Variants in GPR149 observed in about 807,000 individuals in gnomAD.
GPR149 encodes probable G protein-coupled receptor 149.
Under a neutral mutation model 50.2 loss-of-function variants are expected in GPR149, and 50 were observed. The ratio of observed to expected loss-of-function variants is 1.00; its 90% CI spans 0.79 to 1.26. The LOEUF (loss-of-function observed/expected upper bound fraction) is 1.26, where lower values mean the gene tolerates loss of function less well. Among genes scored for constraint, GPR149 ranks in the 50% most tolerant of loss-of-function variants. The pLI is 0.00. For missense variants in GPR149, 983 were observed against 895.4 expected, an observed-to-expected ratio of 1.10 and a Z score of -1.25; for synonymous variants, 405 against 358.2, an observed-to-expected ratio of 1.13 and a Z score of -1.48.
chr3:154,407,713 C>CACACACACAT (rs1242951460), intron 3 of GPR149, among the ~76,000 whole-genome samples: 2 of 151,778 alleles, frequency 1.3e-5, no homozygotes, highest in Non-Finnish European at 2.9e-5. Flanking sequence ...CACACACACA[C>CACACACACAT]ACACACATAT....
At chr3:154,428,175 C>G (rs1238227782) in intron 1 of GPR149, among the ~76,000 whole-genome samples, 12 of 152,200 alleles carry the variant, frequency 7.9e-5, no homozygotes, top group Admixed American at 3.3e-4. Context: ...TCTTCTCCCT[C>G]CACAACTGAT....
intron 3 of GPR149, among the ~76,000 whole-genome samples, chr3:154,419,947 CAT>C (rs1417910153): frequency 2.0e-5 from 3 of 152,016 alleles, no homozygotes; most frequent in Non-Finnish European, 4.4e-5. Flanking sequence ...AAACTCTAAA[CAT>C]ATGCACAATT....
At chr3:154,388,166 T>G (rs903300446) in intron 3 of GPR149, among the ~76,000 whole-genome samples, 1 of 152,208 alleles carries the variant, frequency 6.6e-6, no homozygotes, top group Non-Finnish European at 1.5e-5. Context: ...GTTAATGAGT[T>G]ATTTAGAAAA....
At chr3:154,391,351 C>T (rs116789796) in intron 3 of GPR149, among the ~76,000 whole-genome samples, 2,360 of 151,690 alleles carry the variant, frequency 0.016, 61 homozygotes, top group African/African-American at 0.055. Context: ...CTTTTGTATG[C>T]AACTGAAGTT....
In GPR149 at chr3:154,421,336, C is replaced by T; in HGVS notation, c.1326G>A (p.Gln442=). Reference sequence around the variant, plus strand: ...CATTGAAGATGTTACGGTTGTCTCTCTGAGGGTCTTTTGTAGTTTCACACT... The same window carrying T: ...CATTGAAGATGTTACGGTTGTCTCTTTGAGGGTCTTTTGTAGTTTCACACT... ...NSECETTKDP[Q]RDNRNIFNAI... is the part of the protein sequence containing the mutation. The change falls in exon 3 of 4, where the codon CAG becomes CAA. Residue 442 remains glutamine, a synonymous_variant. Transcript: ENST00000389740. The T allele has an allele frequency of 1.9e-6, 3 of 1,613,318 alleles. No individual in the cohort carries two copies. The highest frequency in any genetic ancestry group is 2.5e-6 in the Non-Finnish European group (3 of 1,179,488).
At chr3:154,401,679 A>G (rs950777522) in intron 3 of GPR149, among the ~76,000 whole-genome samples, 5 of 152,150 alleles carry the variant, frequency 3.3e-5, no homozygotes, top group African/African-American at 1.2e-4. Flanking sequence ...AAAAAAACCT[A>G]CATGTGAGTG....
At chr3:154,423,125 C>T (rs1209844055) in intron 2 of GPR149, among the ~76,000 whole-genome samples, 1 of 151,722 alleles carries the variant, frequency 6.6e-6, no homozygotes, top group African/African-American at 2.4e-5. Flanking sequence ...ACTTCACCTC[C>T]ATGTCACAAG....
At chr3:154,358,238 T>C (rs989450996) in intron 3 of GPR149, among the ~76,000 whole-genome samples, 2 of 152,076 alleles carry the variant, frequency 1.3e-5, no homozygotes, top group Non-Finnish European at 2.9e-5. Flanking sequence ...CATGTATACA[T>C]ATGTAACTAA....
In GPR149 at chr3:154,336,681, T is replaced by A. The variant is rs1437865205; in HGVS notation, c.*1018A>T. 2 of 152,094 alleles carry A rather than the reference T, an allele frequency of 1.3e-5. No homozygotes were observed. Among genetic ancestry groups the A allele is most frequent in the African/African-American group, 4.8e-5 (2 of 41,436 alleles). 9.4% of individuals were successfully genotyped at this position (152,094 alleles called of 1,614,324 possible). A position where few individuals can be genotyped will look rare whatever the true frequency, so the allele number is the denominator to read the frequency against. ...CTGTTTCTTTGAGACAACACGTCTT[T>A]AGAGAAGAAACAAAAAAGCAGCTAA... On this transcript the variant is annotated 3_prime_UTR_variant, in exon 4 of 4. Transcript: ENST00000389740.
At chr3:154,340,195 A>G (rs1314931625) in intron 3 of GPR149, among the ~76,000 whole-genome samples, 1 of 152,130 alleles carries the variant, frequency 6.6e-6, no homozygotes, top group African/African-American at 2.4e-5. Flanking sequence ...GTGGTCTTGA[A>G]TTCTCTTTAC....
chr3:154,369,414 C>T (rs980927779), intron 3 of GPR149, among the ~76,000 whole-genome samples: 2 of 152,168 alleles, frequency 1.3e-5, no homozygotes, highest in African/African-American at 4.8e-5. Flanking sequence ...CTTTGCCCTT[C>T]GTGACAATAC....
At chr3:154,385,382 C>A (rs892312845) in intron 3 of GPR149, among the ~76,000 whole-genome samples, 2 of 152,202 alleles carry the variant, frequency 1.3e-5, no homozygotes, top group Non-Finnish European at 2.9e-5. Context: ...ACTACAGGAA[C>A]AACACCCTTG....
In GPR149 at chr3:154,337,651, C is replaced by T. The variant is rs765888186; in HGVS notation, c.*48G>A. On this transcript the variant is annotated 3_prime_UTR_variant, in exon 4 of 4. Transcript: ENST00000389740. ...TCTCATAACAAAGGTGTTAGTTTCA[C>T]AGTTGACGTTGCAGATCCATTCTTG... 8 of 1,331,946 alleles carry T rather than the reference C, an allele frequency of 6.0e-6. No individual in the cohort carries two copies. In the African/African-American group the frequency reaches 1.0e-4, roughly 17 times the overall value. The allele number at this position is 1,331,946 out of a possible 1,614,324, so 82.5% of individuals were successfully genotyped here.
At chr3:154,390,143 G>C (rs983467030) in intron 3 of GPR149, among the ~76,000 whole-genome samples, 5 of 152,098 alleles carry the variant, frequency 3.3e-5, no homozygotes, top group African/African-American at 1.2e-4. Flanking sequence ...TCCTGTACAA[G>C]GTCAATCCAT....
chr3:154,344,530 T>G (rs928325763), intron 3 of GPR149, among the ~76,000 whole-genome samples: 1 of 152,184 alleles, frequency 6.6e-6, no homozygotes, highest in Admixed American at 6.5e-5. Flanking sequence ...TGACCTTATT[T>G]GGAAATAGGG....
At chr3:154,368,381 T>A (rs1024235948) in intron 3 of GPR149, among the ~76,000 whole-genome samples, 12 of 152,264 alleles carry the variant, frequency 7.9e-5, no homozygotes, top group African/African-American at 2.9e-4. Flanking sequence ...TAGGCAGGTA[T>A]CATCGTTTGA....
chr3:154,384,216 G>T (rs1053137387), intron 3 of GPR149, among the ~76,000 whole-genome samples: 1 of 152,000 alleles, frequency 6.6e-6, no homozygotes, highest in Non-Finnish European at 1.5e-5. Flanking sequence ...TAAAGCCTCG[G>T]GTGAGATCTT....
chr3:154,354,724 T>C, intron 3 of GPR149: 2 of 628,994 alleles, frequency 3.2e-6, no homozygotes, highest in Non-Finnish European at 4.9e-6. Context: ...CTTTTGCCTG[T>C]CCTTCTTCTG....
intron 3 of GPR149, among the ~76,000 whole-genome samples, chr3:154,375,908 T>C (rs543452337): frequency 1.3e-5 from 2 of 152,298 alleles, no homozygotes; most frequent in Non-Finnish European, 2.9e-5. Flanking sequence ...CATCCATCTT[T>C]CCCTGCTCTC....
Sources: gnomAD v4.1 joint callset for allele counts (sites outside exome capture counted in the v4.1 genomes callset) on GRCh38, gnomAD v4.1.1 for gene constraint, MANE v1.5 for transcripts, NCBI Gene and HGNC (gene_info 2026-07-23, HGNC 2026-07-21) for gene names.